TIMP2: variants seen among roughly 807,000 people sequenced by gnomAD.
TIMP2 encodes metalloproteinase inhibitor 2.
TIMP2 carries 5 observed loss-of-function variants against 24.3 expected under a neutral mutation model. That is an observed-to-expected ratio of 0.21 (90% CI 0.11 to 0.43). The LOEUF (loss-of-function observed/expected upper bound fraction) is 0.43, where lower values mean the gene tolerates loss of function less well. Among genes scored for constraint, TIMP2 ranks in the 20% least tolerant of loss-of-function variants. The pLI is 1.00. For missense variants in TIMP2, 221 were observed against 297.5 expected, an observed-to-expected ratio of 0.74 and a Z score of 1.89; for synonymous variants, 130 against 123.2, an observed-to-expected ratio of 1.06 and a Z score of -0.37.
At chr17:78,918,575 G>A (rs1013990138) in intron 1 of TIMP2, among the ~76,000 whole-genome samples, 10 of 152,216 alleles carry the variant, frequency 6.6e-5, no homozygotes, top group South Asian at 2.1e-4. Context: ...GCAATCTCAG[G>A]GCAGCTCATC....
chr17:78,879,561 C>T (rs2069760184), intron 1 of TIMP2, among the ~76,000 whole-genome samples: 1 of 152,184 alleles, frequency 6.6e-6, no homozygotes, highest in Non-Finnish European at 1.5e-5. Flanking sequence ...CTGCTCTGCT[C>T]CTCTGCCCCT....
chr17:78,867,614 G>A (rs77389175), intron 3 of TIMP2, among the ~76,000 whole-genome samples: 1 of 62,554 alleles, frequency 1.6e-5, no homozygotes, highest in African/African-American at 5.5e-5. Flanking sequence ...TTTTTTTTTT[G>A]AGATGGAGTC....
chr17:78,854,923 G>T lies in TIMP2; in HGVS notation c.*744C>A, dbSNP rs2069511803. ...CTGCAAGCTGGGGAGCATGTGGGCG[G>T]GGGGGGGGGGGTGGGGGGGTGGGTG... On this transcript the variant is annotated 3_prime_UTR_variant, in exon 5 of 5. Coordinates refer to ENST00000262768, the MANE Select transcript of TIMP2 (RefSeq NM_003255.5). The T allele has an allele frequency of 1.9e-3, 21 of 11,140 alleles. No individual in the cohort carries two copies. In the South Asian group the frequency reaches 0.077, roughly 41 times the overall value. 0.7% of individuals were successfully genotyped at this position (11,140 alleles called of 1,614,324 possible).
chr17:78,884,702 A>G (rs1174387116), intron 1 of TIMP2, among the ~76,000 whole-genome samples: 1 of 152,112 alleles, frequency 6.6e-6, no homozygotes, highest in East Asian at 1.9e-4. Flanking sequence ...GGGCTGTCAC[A>G]GCAGCTGCAA....
chr17:78,863,123 T>C (rs867352243), intron 3 of TIMP2, among the ~76,000 whole-genome samples: 2 of 152,260 alleles, frequency 1.3e-5, no homozygotes, highest in African/African-American at 4.8e-5. Context: ...CTTTGAGAAA[T>C]CTACAAAGTG....
intron 3 of TIMP2, among the ~76,000 whole-genome samples, chr17:78,870,670 C>T (rs1249231404): frequency 1.3e-5 from 2 of 152,096 alleles, no homozygotes; most frequent in African/African-American, 4.8e-5. Flanking sequence ...AAAAATGCTC[C>T]CTTTTTTTTG....
chr17:78,921,141 C>T (rs1241979908), intron 1 of TIMP2, among the ~76,000 whole-genome samples: 6 of 152,224 alleles, frequency 3.9e-5, no homozygotes, highest in Admixed American at 3.3e-4. Context: ...GTCCTGAAGA[C>T]AGAGCCATTT....
At chr17:78,916,575 G>A (rs1234554110) in intron 1 of TIMP2, among the ~76,000 whole-genome samples, 2 of 152,146 alleles carry the variant, frequency 1.3e-5, no homozygotes, top group African/African-American at 4.8e-5. Flanking sequence ...CCCCGCTCAG[G>A]GCCTGCCTTC....
At chr17:78,890,550 G>T in intron 1 of TIMP2, 2 of 1,395,396 alleles carry the variant, frequency 1.4e-6, no homozygotes, top group Non-Finnish European at 1.9e-6. Context: ...CTGAGGCAAT[G>T]ACGCAAACAC....
intron 1 of TIMP2, among the ~76,000 whole-genome samples, chr17:78,893,146 CAT>C (rs1411663991): frequency 1.8e-5 from 2 of 111,972 alleles, no homozygotes; most frequent in Non-Finnish European, 3.7e-5. Flanking sequence ...TGTGTGCGTA[CAT>C]GTGTGTGCAG....
At chr17:78,875,734 C>A (rs533035830) in intron 1 of TIMP2, among the ~76,000 whole-genome samples, 78 of 152,266 alleles carry the variant, frequency 5.1e-4, no homozygotes, top group African/African-American at 1.8e-3. Flanking sequence ...CCCAGCCCCA[C>A]CCCACGTGGT....
Position 78,854,860 on chromosome 17 carries a change from CGGACAGCAGCCT to C in TIMP2, c.*795_*806del, listed in dbSNP as rs908081222. On this transcript the variant is annotated 3_prime_UTR_variant, in exon 5 of 5. Transcript: ENST00000262768. ...GGACCTTGAGGGCAGCCACCGGCCC[CGGACAGCAGCCT>C]CAGGACAGGACCTCACCGATTCCTC... 2 of 148,106 alleles carry C rather than the reference CGGACAGCAGCCT, an allele frequency of 1.4e-5. No homozygotes were observed. Among genetic ancestry groups the C allele is most frequent in the African/African-American group, 5.0e-5 (2 of 39,894 alleles). 9.2% of individuals were successfully genotyped at this position (148,106 alleles called of 1,614,324 possible).
chr17:78,878,676 G>A (rs2069751591), intron 1 of TIMP2, among the ~76,000 whole-genome samples: 1 of 152,002 alleles, frequency 6.6e-6, no homozygotes, highest in African/African-American at 2.4e-5. Context: ...GTGGGGTTAG[G>A]ACTAGAAAGT....
At chr17:78,874,482 G>C (rs946609729) in intron 1 of TIMP2, among the ~76,000 whole-genome samples, 1 of 152,174 alleles carries the variant, frequency 6.6e-6, no homozygotes, top group South Asian at 2.1e-4. Flanking sequence ...GGCCTTAAAC[G>C]TACCCGGCAT....
intron 1 of TIMP2, among the ~76,000 whole-genome samples, chr17:78,917,005 C>T (rs1357404933): frequency 6.6e-6 from 1 of 152,342 alleles, no homozygotes; most frequent in South Asian, 2.1e-4. Flanking sequence ...CTTCGCATTC[C>T]TGCGCTCACT....
chr17:78,897,958 G>GCT (rs929928693), intron 1 of TIMP2: 7 of 152,154 alleles, frequency 4.6e-5, no homozygotes, highest in African/African-American at 1.7e-4. Context: ...ATCACAGCTG[G>GCT]CTCCATCATT....
intron 1 of TIMP2, among the ~76,000 whole-genome samples, chr17:78,910,652 A>T (rs540598166): frequency 6.6e-6 from 1 of 152,240 alleles, no homozygotes; most frequent in South Asian, 2.1e-4. Flanking sequence ...CGATGAGATC[A>T]ACTTTTCTTT....
intron 1 of TIMP2, among the ~76,000 whole-genome samples, chr17:78,887,007 C>T (rs2069830728): frequency 6.6e-6 from 1 of 152,168 alleles, no homozygotes; most frequent in Non-Finnish European, 1.5e-5. Flanking sequence ...CAGGTGTGAG[C>T]CACCATGCCC....
intron 2 of TIMP2, 108 bp from the exon 3 acceptor site, chr17:78,871,114 G>A (rs758143077): frequency 1.5e-4 from 122 of 807,514 alleles, no homozygotes; most frequent in Non-Finnish European, 2.3e-4. Flanking sequence ...CTGGGGTACA[G>A]CCAGCACCCA....
Sources: allele counts gnomAD v4.1 joint callset (sites outside exome capture counted in the v4.1 genomes callset), GRCh38; gene constraint gnomAD v4.1.1; transcripts MANE v1.5; gene names NCBI Gene and HGNC (gene_info 2026-07-23, HGNC 2026-07-21).